The following ACER1 variants were observed in gnomAD, a reference collection of about 807,000 sequenced individuals.
ACER1 encodes alkaline ceramidase 1.
A neutral mutation model predicts 24.9 loss-of-function variants in ACER1; 28 were observed. That is an observed-to-expected ratio of 1.13 (90% CI 0.83 to 1.54). ACER1 has a LOEUF of 1.54. Ranked by LOEUF, ACER1 falls within the 40% of genes most tolerant of loss-of-function variation. ACER1 has a pLI of 0.00. For synonymous variants in ACER1, 132 were observed against 131.4 expected, an observed-to-expected ratio of 1.00 and a Z score of -0.03; for missense variants, 352 against 349.3, an observed-to-expected ratio of 1.01 and a Z score of -0.06.
the ACER1 span, among the ~76,000 whole-genome samples, chr19:6,341,712 T>G: frequency 6.6e-6 from 1 of 151,968 alleles, no homozygotes; most frequent in Admixed American, 6.6e-5. Flanking sequence ...CACCACAACC[T>G]CTGACTACTG....
At chr19:6,315,386 G>C (rs1008897721) in intron 1 of ACER1, among the ~76,000 whole-genome samples, 1 of 150,530 alleles carries the variant, frequency 6.6e-6, no homozygotes, top group Non-Finnish European at 1.5e-5. Context: ...GTTTTGTTTT[G>C]TTTTGTTTTT....
the ACER1 span, among the ~76,000 whole-genome samples, chr19:6,358,024 A>AAGGAGTGG: frequency 1.1e-4 from 17 of 152,204 alleles, 2 homozygotes; most frequent in South Asian, 2.1e-4. Context: ...CGGAGGAGTG[A>AAGGAGTGG]AGGAGTGGAG....
the ACER1 span, among the ~76,000 whole-genome samples, chr19:6,347,132 A>ATATATATATATG: frequency 1.7e-5 from 2 of 118,176 alleles, no homozygotes; most frequent in African/African-American, 6.9e-5. Context: ...ATATATATAT[A>ATATATATATATG]AAATAATAAT....
chr19:6,339,968 T>A, the ACER1 span, among the ~76,000 whole-genome samples: 1 of 149,968 alleles, frequency 6.7e-6, no homozygotes, highest in Non-Finnish European at 1.5e-5. Flanking sequence ...CCTGGCCTGA[T>A]TTAGGTTTTT....
chr19:6,356,465 C>CAATTAAAAA, the ACER1 span, among the ~76,000 whole-genome samples: 16 of 142,314 alleles, frequency 1.1e-4, no homozygotes, highest in Admixed American at 7.5e-4. Context: ...CAAGAATGAT[C>CAATTAAAAA]AATAAAAAAA....
the ACER1 span, among the ~76,000 whole-genome samples, chr19:6,341,748 C>T: frequency 3.3e-5 from 5 of 152,128 alleles, no homozygotes; most frequent in Non-Finnish European, 5.9e-5. Context: ...CCTACCCCAG[C>T]CTCCCAAATA....
chr19:6,351,923 G>T, the ACER1 span, among the ~76,000 whole-genome samples: 1 of 151,658 alleles, frequency 6.6e-6, no homozygotes, highest in Non-Finnish European at 1.5e-5. Context: ...GGGCTTGGTG[G>T]TGGGCGCCTG....
chr19:6,345,463 C>A, the ACER1 span, among the ~76,000 whole-genome samples: 4 of 151,844 alleles, frequency 2.6e-5, no homozygotes, highest in African/African-American at 9.7e-5. Flanking sequence ...ATACAGCTCA[C>A]ATAATGTAGA....
chr19:6,311,631 GAGA>G (rs113299637), intron 3 of ACER1, among the ~76,000 whole-genome samples: 4,931 of 148,286 alleles, frequency 0.033, 104 homozygotes, highest in Non-Finnish European at 0.044. Flanking sequence ...GGAGGAGGAG[GAGA>G]AGAAGAAGAA....
intron 1 of ACER1, among the ~76,000 whole-genome samples, chr19:6,320,130 GAAAA>G (rs1460946069): frequency 3.4e-5 from 5 of 145,288 alleles, no homozygotes; most frequent in Middle Eastern, 7.3e-3. Flanking sequence ...AGGAAAGAAA[GAAAA>G]GTTTGTTGAA....
intron 1 of ACER1, among the ~76,000 whole-genome samples, chr19:6,319,213 CAGA>C (rs1469407518): frequency 6.6e-6 from 1 of 152,164 alleles, no homozygotes; most frequent in Non-Finnish European, 1.5e-5. Context: ...CCTAAGCGCT[CAGA>C]AGGAGGACAG....
At chr19:6,328,183 G>A (rs2091670457) in intron 1 of ACER1, among the ~76,000 whole-genome samples, 1 of 151,550 alleles carries the variant, frequency 6.6e-6, no homozygotes, top group African/African-American at 2.4e-5. Flanking sequence ...GACAGAGTCT[G>A]GATGGCCCAG....
At chr19:6,318,337 C>T (rs939528392) in intron 1 of ACER1, among the ~76,000 whole-genome samples, 2 of 151,754 alleles carry the variant, frequency 1.3e-5, no homozygotes, top group African/African-American at 4.8e-5. Context: ...GGTGCGGTGG[C>T]GCATGCCTGT....
At chr19:6,312,349 T>C (rs1269850575) in intron 2 of ACER1, 36 bp downstream of exon 2, 1 of 1,613,886 alleles carries the variant, frequency 6.2e-7, no homozygotes, top group East Asian at 2.2e-5. Flanking sequence ...CCCCACTGCC[T>C]CCCGACTGTC....
the ACER1 span, among the ~76,000 whole-genome samples, chr19:6,352,429 A>T: frequency 6.6e-6 from 1 of 152,204 alleles, no homozygotes; most frequent in Non-Finnish European, 1.5e-5. Context: ...GAGATGACTC[A>T]CTGGGGCTCC....
upstream of ACER1, among the ~76,000 whole-genome samples, chr19:6,334,391 C>A (rs1026799703): frequency 6.6e-6 from 1 of 151,848 alleles, no homozygotes; most frequent in Non-Finnish European, 1.5e-5. Flanking sequence ...GTCACCCAGG[C>A]TGGAGTGTAG....
intron 1 of ACER1, among the ~76,000 whole-genome samples, chr19:6,321,824 C>T (rs971141892): frequency 1.3e-5 from 2 of 152,066 alleles, no homozygotes; most frequent in Admixed American, 6.6e-5. Flanking sequence ...GTTGGCCAGG[C>T]TGGTCTCGAA....
chr19:6,324,015 C>A (rs368021310), intron 1 of ACER1, among the ~76,000 whole-genome samples: 1 of 152,030 alleles, frequency 6.6e-6, no homozygotes, highest in South Asian at 2.1e-4. Flanking sequence ...CCCTCCACCC[C>A]CTTCCGACTC....
intron 1 of ACER1, among the ~76,000 whole-genome samples, chr19:6,324,378 TC>T (rs2091648229): frequency 6.6e-6 from 1 of 151,332 alleles, no homozygotes; most frequent in Non-Finnish European, 1.5e-5. Context: ...AGGGTCTCAC[TC>T]TGTTGCCCAG....
Sources: allele counts gnomAD v4.1 joint callset (sites outside exome capture counted in the v4.1 genomes callset), GRCh38; gene constraint gnomAD v4.1.1; transcripts MANE v1.5; gene names NCBI Gene and HGNC (gene_info 2026-07-23, HGNC 2026-07-21).